SPECC1: variants seen among roughly 807,000 people sequenced by gnomAD.
The protein encoded by SPECC1 is cytospin-B.
SPECC1 carries 62 observed loss-of-function variants against 104.1 expected under a neutral mutation model. That is an observed-to-expected ratio of 0.60 (90% CI 0.49 to 0.74). The LOEUF (loss-of-function observed/expected upper bound fraction) is 0.74. Among genes scored for constraint, SPECC1 ranks in the 30% least tolerant of loss-of-function variants. SPECC1 has a pLI of 0.00. For synonymous variants in SPECC1, 513 were observed against 501.6 expected, an observed-to-expected ratio of 1.02 and a Z score of -0.30; for missense variants, 1,306 against 1,310.5, an observed-to-expected ratio of 1.00 and a Z score of 0.05.
At chr17:20,104,740 CAAAAAAAAAAAAAAAAAA>C (rs745893309) in intron 2 of SPECC1, among the ~76,000 whole-genome samples, 2 of 57,240 alleles carry the variant, frequency 3.5e-5, no homozygotes, top group Non-Finnish European at 6.2e-5. Context: ...GAGACTGTCT[CAAAAAAAAAAAAAAAAAA>C]AAAAAAAAGA....
At chr17:20,312,202 G>C (rs567158707) in intron 14 of SPECC1, among the ~76,000 whole-genome samples, 13 of 152,134 alleles carry the variant, frequency 8.5e-5, no homozygotes, top group Non-Finnish European at 1.6e-4. Flanking sequence ...TCTTCCTTAA[G>C]TATTTGATAG....
In SPECC1 at chr17:20,317,300, CTG is replaced by C. The variant is rs1020051889; in HGVS notation, c.*3237_*3238del. ...TTTTTTGAGAGAGCGTCTCACTTCT[CTG>C]TCACCCAGGCTAGAGTAGTGTGATC... On this transcript the variant is annotated 3_prime_UTR_variant, in exon 15 of 15. Transcript: ENST00000395527. The C allele has an allele frequency of 1.9e-5, 2 of 107,044 alleles. No individual in the cohort carries two copies. The highest frequency in any genetic ancestry group is 7.6e-5 in the African/African-American group (2 of 26,464). 6.6% of individuals were successfully genotyped at this position (107,044 alleles called of 1,614,324 possible).
At chr17:20,083,064 A>G (rs533323906) in intron 1 of SPECC1, among the ~76,000 whole-genome samples, 17 of 112,312 alleles carry the variant, frequency 1.5e-4, no homozygotes, top group African/African-American at 5.1e-4. Flanking sequence ...GGACTGTATT[A>G]TTCTTTGAGT....
At chr17:20,173,701 A>C (rs966649260) in intron 3 of SPECC1, among the ~76,000 whole-genome samples, 4 of 152,222 alleles carry the variant, frequency 2.6e-5, no homozygotes, top group Admixed American at 2.6e-4. Context: ...AACAAAGCTA[A>C]GTGCAAAGTT....
Position 20,205,622 on chromosome 17 carries a change from C to G in SPECC1, c.1573C>G (p.Leu525Val). The G allele has an allele frequency of 1.2e-6, 2 of 1,614,166 alleles. No individual in the cohort carries two copies. The highest frequency in any genetic ancestry group is 1.7e-5 in the Admixed American group (1 of 60,018). ...TGAAAAACTGAATGAGTTTCTAGAACTGGAACGGCATAATAATAACATGAT... is the reference window on the plus strand; with the variant it reads ...TGAAAAACTGAATGAGTTTCTAGAAGTGGAACGGCATAATAATAACATGAT... Reference protein sequence around the residue: ...ENEKLNEFLELERHNNNMMAK... With the variant: ...ENEKLNEFLEVERHNNNMMAK... The change falls in exon 4 of 15, where the codon CTG (leucine) becomes GTG (valine). Residue 525 changes from leucine to valine, a missense_variant. Leu to Val is a conservative substitution (Grantham distance 32). Coordinates refer to ENST00000395527, the MANE Select transcript of SPECC1 (RefSeq NM_001243439.2).
rs577361021 is a variant in SPECC1 at position 20,010,884 on chromosome 17, T to G, written c.-22+1460T>G. Among the ~76,000 whole-genome samples, 5 of 152,276 alleles carry G rather than the reference T, an allele frequency of 3.3e-5. No individual in the cohort carries two copies. The East Asian group carries it at 9.6e-4, about 29-fold the overall frequency. On this transcript the variant is annotated intron_variant, in intron 1 of 14. Transcript: ENST00000395527. ...TACTAAGAGTTTAAAAAGTCAAGGG[T>G]GGGTGTTGGGTTTTTTGCCCAAATG...
At chr17:20,170,754 TC>T (rs1228654993) in intron 3 of SPECC1, among the ~76,000 whole-genome samples, 1 of 152,214 alleles carries the variant, frequency 6.6e-6, no homozygotes, top group Non-Finnish European at 1.5e-5. Context: ...ATTTCCAACT[TC>T]CTGTTCCAAA....
At position 20,318,846 on chromosome 17, in the gene SPECC1, C is replaced by T. The variant is rs1283402872; in HGVS notation, c.*4781C>T. On this transcript the variant is annotated 3_prime_UTR_variant, in exon 15 of 15. Coordinates refer to ENST00000395527, the MANE Select transcript of SPECC1 (RefSeq NM_001243439.2). The stretch of plus-strand genomic sequence containing the variant: ...CTAATTTTTTTTTTTAGCACACTAA[C>T]TTTAACTACATTAGTTGAGTGTAGT... The T allele has an allele frequency of 1.5e-5, 3 of 202,578 alleles. No individual in the cohort carries two copies. The highest frequency in any genetic ancestry group is 6.9e-5 in the African/African-American group (3 of 43,388). The allele number at this position is 202,578 out of a possible 1,614,324, so 12.5% of individuals were successfully genotyped here. A position where few individuals can be genotyped will look rare whatever the true frequency, so the allele number is the denominator to read the frequency against.
chr17:20,240,848 A>G (rs991477717), intron 7 of SPECC1, among the ~76,000 whole-genome samples: 3 of 152,230 alleles, frequency 2.0e-5, no homozygotes, highest in Non-Finnish European at 4.4e-5. Flanking sequence ...TAAGGCAGAC[A>G]GTATCAGTGT....
At position 20,194,502 on chromosome 17, in the gene SPECC1, A is replaced by ATTATTATTTTTTTTTTTTTTTTTTTTTTT; in HGVS notation, c.284-9829_284-9828insATTATTTTTTTTTTTTTTTTTTTTTTTTT. 1.0e-4 allele frequency among the ~76,000 whole-genome samples: 9 copies of ATTATTATTTTTTTTTTTTTTTTTTTTTTT among 86,534 alleles called. No individual in the cohort carries two copies. The East Asian group carries it at 1.2e-3, about 11-fold the overall frequency. 56.8% of individuals were successfully genotyped at this position (86,534 alleles called of 152,430 possible). On this transcript the variant is annotated intron_variant, in intron 3 of 14. Coordinates refer to ENST00000395527, the MANE Select transcript of SPECC1 (RefSeq NM_001243439.2). ...TGTGTTCTGTTAGAAAAGAGAACGA[A>ATTATTATTTTTTTTTTTTTTTTTTTTTTT]TTTTTTTTTTTTTTTTTTTTTTTGA...
In SPECC1 at chr17:20,245,944, A is replaced by G; in HGVS notation, c.2370A>G (p.Pro790=). 1 of 1,614,200 alleles carries G rather than the reference A, an allele frequency of 6.2e-7. No individual in the cohort carries two copies. Among genetic ancestry groups the G allele is most frequent in the Non-Finnish European group, 8.5e-7 (1 of 1,180,032 alleles). The change falls in exon 8 of 15, where the codon CCA becomes CCG. Residue 790 remains proline (P), a synonymous_variant. Coordinates refer to ENST00000395527, the MANE Select transcript of SPECC1 (RefSeq NM_001243439.2). ...RAAPPPVDEE[P]ESSEVDAAGR... Reference sequence around the variant, plus strand: ...CATGCAGACCTGTGGATGAAGAGCCAGAGTCCTCTGAGGTCGATGCTGCTG... The same window carrying G: ...CATGCAGACCTGTGGATGAAGAGCCGGAGTCCTCTGAGGTCGATGCTGCTG...
chr17:20,110,296 T>C (rs767613565), intron 2 of SPECC1, 131 bp from the exon 3 acceptor site: 17 of 1,109,176 alleles, frequency 1.5e-5, no homozygotes, highest in East Asian at 9.7e-5. Context: ...CACTCTATCA[T>C]GCTACTCAAA....
chr17:20,183,758 C>T (rs937694834), intron 3 of SPECC1, among the ~76,000 whole-genome samples: 1 of 152,090 alleles, frequency 6.6e-6, no homozygotes, highest in Non-Finnish European at 1.5e-5. Flanking sequence ...TATATACATT[C>T]AGATGTACCC....
intron 3 of SPECC1, among the ~76,000 whole-genome samples, chr17:20,130,404 G>A (rs1159905299): frequency 6.6e-6 from 1 of 152,142 alleles, no homozygotes; most frequent in African/African-American, 2.4e-5. Flanking sequence ...GTATGGTGGT[G>A]CACACTTGTG....
intron 1 of SPECC1, among the ~76,000 whole-genome samples, chr17:20,092,503 C>G (rs1296261276): frequency 6.6e-6 from 1 of 152,098 alleles, no homozygotes; most frequent in South Asian, 2.1e-4. Flanking sequence ...GTGTTTCCCT[C>G]GCTTCTTTCT....
rs1184363420 is a variant in SPECC1 at position 20,063,808 on chromosome 17, G to T, written c.-21-32823G>T. ...AAGTAGAGAGTAGTGCTTGACCTAAGATCACAGTCAGGCTAGTAACCCTTC... is the reference window on the plus strand; with the variant it reads ...AAGTAGAGAGTAGTGCTTGACCTAATATCACAGTCAGGCTAGTAACCCTTC... On this transcript the variant is annotated intron_variant, in intron 1 of 14. Transcript: ENST00000395527. Among the ~76,000 whole-genome samples, 6 of 143,478 alleles carry T rather than the reference G, an allele frequency of 4.2e-5. No individual in the cohort carries two copies. The Admixed American group carries it at 4.3e-4, about 10-fold the overall frequency. 94.1% of individuals were successfully genotyped at this position (143,478 alleles called of 152,430 possible). A position where few individuals can be genotyped will look rare whatever the true frequency, so the allele number is the denominator to read the frequency against.
At chr17:20,019,242 T>G (rs2044275701) in intron 1 of SPECC1, among the ~76,000 whole-genome samples, 1 of 131,146 alleles carries the variant, frequency 7.6e-6, no homozygotes, top group Non-Finnish European at 1.8e-5. Context: ...ATTTATTTAT[T>G]TATTTATTTA....
intron 3 of SPECC1, among the ~76,000 whole-genome samples, chr17:20,142,805 C>A (rs2030977147): frequency 6.8e-6 from 1 of 147,740 alleles, no homozygotes; most frequent in African/African-American, 2.5e-5. Flanking sequence ...GCCTGGCTGA[C>A]ACAGTGAAAG....
At chr17:20,142,808 A>C (rs1393823620) in intron 3 of SPECC1, among the ~76,000 whole-genome samples, 1 of 148,004 alleles carries the variant, frequency 6.8e-6, no homozygotes, top group African/African-American at 2.5e-5. Context: ...TGGCTGACAC[A>C]GTGAAAGCCT....
Sources: gnomAD v4.1 joint callset for allele counts (sites outside exome capture counted in the v4.1 genomes callset) on GRCh38, gnomAD v4.1.1 for gene constraint, MANE v1.5 for transcripts, NCBI Gene and HGNC (gene_info 2026-07-23, HGNC 2026-07-21) for gene names.